PCSK2: variants seen among roughly 807,000 people sequenced by gnomAD.
PCSK2 encodes the protein proprotein convertase subtilisin/kexin type 2.
Under a neutral mutation model 69.7 loss-of-function variants are expected in PCSK2, and 14 were observed. The observed-to-expected ratio is 0.20, with a 90% CI of 0.13 to 0.31. The LOEUF (loss-of-function observed/expected upper bound fraction) is 0.31. Ranked by LOEUF, PCSK2 falls within the 10% of genes least tolerant of loss-of-function variation. The pLI is 1.00. For synonymous variants in PCSK2, 307 were observed against 320.7 expected, an observed-to-expected ratio of 0.96 and a Z score of 0.46; for missense variants, 544 against 842.5, an observed-to-expected ratio of 0.65 and a Z score of 4.39.
chr20:17,370,943 G>A (rs1449516674), intron 5 of PCSK2, among the ~76,000 whole-genome samples: 6 of 152,158 alleles, frequency 3.9e-5, no homozygotes, highest in Admixed American at 1.3e-4. Context: ...AGGGTCGGTG[G>A]TCCTCCCTCC....
intron 2 of PCSK2, among the ~76,000 whole-genome samples, chr20:17,293,900 A>G (rs964239168): frequency 2.0e-5 from 3 of 152,090 alleles, no homozygotes; most frequent in Admixed American, 2.0e-4. Flanking sequence ...TTGATGGTCA[A>G]TGTAACTCAT....
At chr20:17,267,772 T>C (rs1402421296) in intron 2 of PCSK2, among the ~76,000 whole-genome samples, 2 of 152,140 alleles carry the variant, frequency 1.3e-5, no homozygotes, top group Non-Finnish European at 2.9e-5. Flanking sequence ...GCCAGAGATC[T>C]CTTGGAAGTT....
chr20:17,311,326 A>G (rs1221189732), intron 2 of PCSK2, among the ~76,000 whole-genome samples: 3 of 152,068 alleles, frequency 2.0e-5, no homozygotes, highest in Non-Finnish European at 4.4e-5. Context: ...AATTCACTTA[A>G]GTTGACTAAT....
chr20:17,358,223 A>T (rs529561357), intron 2 of PCSK2, 104 bp from the exon 3 acceptor site: 2 of 697,892 alleles, frequency 2.9e-6, no homozygotes, highest in South Asian at 3.5e-5. Context: ...CCAAAGAAAA[A>T]AATACACCTG....
chr20:17,364,172 C>T (rs2030508190), intron 4 of PCSK2, among the ~76,000 whole-genome samples: 1 of 151,724 alleles, frequency 6.6e-6, no homozygotes, highest in African/African-American at 2.4e-5. Context: ...TGTGGAAATT[C>T]TCCAGGACAA....
rs1022706638 is a variant in PCSK2, at chr20:17,484,258, A to T, written c.*2188A>T. On this transcript the variant is annotated 3_prime_UTR_variant, in exon 12 of 12. Transcript: ENST00000262545. ...AAAATTAGAAAGCAACTTATCAGCT[A>T]CTTAAGAGAAATGGCAAGTTTTGAT... 2 of 152,516 alleles carry T rather than the reference A, an allele frequency of 1.3e-5. No individual in the cohort carries two copies. The highest frequency in any genetic ancestry group is 6.5e-5 in the Admixed American group (1 of 15,278). The allele number at this position is 152,516 out of a possible 1,614,324, so 9.4% of individuals were successfully genotyped here.
chr20:17,480,344 C>G (rs1009129098), intron 11 of PCSK2, among the ~76,000 whole-genome samples: 6 of 151,904 alleles, frequency 3.9e-5, no homozygotes, highest in African/African-American at 1.4e-4. Flanking sequence ...CGCCCACCAC[C>G]AAGCCCGGCT....
At chr20:17,410,095 A>G (rs1461677475) in intron 6 of PCSK2, among the ~76,000 whole-genome samples, 1 of 152,202 alleles carries the variant, frequency 6.6e-6, no homozygotes, top group African/African-American at 2.4e-5. Flanking sequence ...TTAGTTGTAT[A>G]AAAATATATG....
intron 1 of PCSK2, among the ~76,000 whole-genome samples, chr20:17,249,260 A>C (rs183077899): frequency 1.0e-3 from 159 of 152,296 alleles, no homozygotes; most frequent in African/African-American, 3.7e-3. Context: ...TAATCCCAGC[A>C]CTTTGGGAGG....
chr20:17,303,527 TATTATATTA>T (rs1568593869), intron 2 of PCSK2, among the ~76,000 whole-genome samples: 3 of 42,328 alleles, frequency 7.1e-5, no homozygotes, highest in African/African-American at 2.3e-4. Flanking sequence ...ATATAATATA[TATTATATTA>T]TATATAATAT....
intron 2 of PCSK2, among the ~76,000 whole-genome samples, chr20:17,337,665 C>G (rs1404096213): frequency 6.6e-6 from 1 of 152,046 alleles, no homozygotes. Context: ...GTGACTCAGG[C>G]CCGTATCACA....
intron 8 of PCSK2, among the ~76,000 whole-genome samples, chr20:17,447,600 G>A (rs954823346): frequency 1.1e-5 from 1 of 88,694 alleles, no homozygotes; most frequent in Admixed American, 9.5e-5. Context: ...ACTAAGAATC[G>A]TCATTCATTT....
chr20:17,356,258 C>G (rs934045045), intron 2 of PCSK2, among the ~76,000 whole-genome samples: 1 of 152,030 alleles, frequency 6.6e-6, no homozygotes, highest in Admixed American at 6.6e-5. Context: ...TCCCATTTTT[C>G]TAATTATTTC....
At chr20:17,479,237 A>G in intron 11 of PCSK2, 1 of 1,274,946 alleles carries the variant, frequency 7.8e-7, no homozygotes, top group Non-Finnish European at 1.1e-6. Flanking sequence ...CACATTTCAC[A>G]ATACATTTAT....
At chr20:17,280,126 A>T (rs1180852002) in intron 2 of PCSK2, among the ~76,000 whole-genome samples, 1 of 152,212 alleles carries the variant, frequency 6.6e-6, no homozygotes, top group Admixed American at 6.5e-5. Context: ...ATGGAAATAG[A>T]GAGTTTAATT....
chr20:17,363,905 G>T (rs971055047), intron 4 of PCSK2, among the ~76,000 whole-genome samples: 6 of 152,296 alleles, frequency 3.9e-5, no homozygotes, highest in African/African-American at 1.4e-4. Context: ...GCAAGAAACT[G>T]CCCAAAGTCT....
chr20:17,362,027 G>A (rs958851226), intron 4 of PCSK2, among the ~76,000 whole-genome samples: 2 of 152,204 alleles, frequency 1.3e-5, no homozygotes, highest in Non-Finnish European at 1.5e-5. Context: ...CCCAGCCGGG[G>A]ATCAGAGAAG....
rs1328237985 is a variant in PCSK2 at position 17,429,482 on chromosome 20, A to T, written c.668A>T (p.Asn223Ile). ...GAAGTTTCTGCTGCCGCCAACAACA[A>T]TATCTGTGGAGTTGGAGTAGCATAC... The part of the protein sequence containing the change: ...AGEVSAAANN[N>I]ICGVGVAYNS... The change falls in exon 7 of 12, where the codon AAT becomes ATT. Residue 223 changes from asparagine (N) to isoleucine (I), a missense_variant. Physicochemically the swap from Asn to Ile is moderately radical, Grantham distance 149. Coordinates refer to ENST00000262545, the MANE Select transcript of PCSK2 (RefSeq NM_002594.5). The T allele has an allele frequency of 6.2e-7, 1 of 1,613,724 alleles. No homozygotes were observed. The highest frequency in any genetic ancestry group is 8.5e-7 in the Non-Finnish European group (1 of 1,179,858).
intron 5 of PCSK2, among the ~76,000 whole-genome samples, chr20:17,378,642 T>C (rs1442712460): frequency 3.2e-5 from 3 of 92,420 alleles, no homozygotes; most frequent in African/African-American, 1.3e-4. Context: ...GATGGATGGA[T>C]GAATGGATGG....
Sources: allele counts gnomAD v4.1 joint callset (sites outside exome capture counted in the v4.1 genomes callset), GRCh38; gene constraint gnomAD v4.1.1; transcripts MANE v1.5; gene names NCBI Gene and HGNC (gene_info 2026-07-23, HGNC 2026-07-21).